Variants in MYO5A observed in about 807,000 individuals in gnomAD.
The protein encoded by MYO5A is myosin VA, also known as unconventional myosin-Va.
Under a neutral mutation model 249.7 loss-of-function variants are expected in MYO5A, and 98 were observed. The observed-to-expected ratio is 0.39, with a 90% CI of 0.33 to 0.46. The LOEUF is 0.46. Ranked by LOEUF, MYO5A falls within the 20% of genes least tolerant of loss-of-function variation. The probability of loss-of-function intolerance (pLI) is 0.98; values close to 1 mark genes in which losing one functional copy is unlikely to be tolerated. For synonymous variants in MYO5A, 778 were observed against 810.6 expected, an observed-to-expected ratio of 0.96 and a Z score of 0.68; for missense variants, 1,696 against 2,308.8, an observed-to-expected ratio of 0.73 and a Z score of 5.44.
At chr15:52,514,982 A>C (rs188557028) in intron 1 of MYO5A, among the ~76,000 whole-genome samples, 2 of 152,216 alleles carry the variant, frequency 1.3e-5, no homozygotes, top group African/African-American at 4.8e-5. Context: ...GAACCAGGAA[A>C]GAATAAGGGA....
chr15:52,402,665 T>C (rs1339279709), intron 9 of MYO5A, among the ~76,000 whole-genome samples: 9 of 152,138 alleles, frequency 5.9e-5, no homozygotes, highest in Middle Eastern at 3.4e-3. Context: ...GCCAACATGG[T>C]GAAACCCTGT....
rs529122830 is a variant in MYO5A at position 52,414,969 on chromosome 15, G to A, written c.612+1176C>T. 4.6e-5 allele frequency among the ~76,000 whole-genome samples: 7 copies of A among 152,252 alleles called. No individual in the cohort carries two copies. In the South Asian group the frequency reaches 1.0e-3, roughly 23 times the overall value. ...TTTTTCCATAGCACATCCAGCCCAT[G>A]AAGCCTCTGAACTTCCCCATCATAT... On this transcript the variant is annotated intron_variant, in intron 5 of 41. Transcript: ENST00000399233.
chr15:52,327,962 G>A lies in MYO5A; in HGVS notation c.4600C>T (p.Pro1534Ser). 1 of 1,613,406 alleles carries A rather than the reference G, an allele frequency of 6.2e-7. No homozygotes were observed. Among genetic ancestry groups the A allele is most frequent in the Non-Finnish European group, 8.5e-7 (1 of 1,179,464 alleles). The change falls in exon 36 of 42, where the codon CCG becomes TCG. Residue 1534 changes from proline to serine, a missense_variant. By Grantham distance (74) the Pro-to-Ser change is moderately conservative. This residue lies in a region of MYO5A where 625 missense variants were observed against 908.1 expected (regional missense o/e 0.69). Coordinates refer to ENST00000399233, the MANE Select transcript of MYO5A (RefSeq NM_001382347.1). The part of the protein sequence containing the change: ...GVAVNLIPGL[P>S]AYILFMCVRH... The stretch of plus-strand genomic sequence containing the variant: ...ACACACATGAACAGGATATATGCCG[G>A]TAATCCTGGAATCAAATTGACTGCT...
chr15:52,372,611 ATAT>A (rs2041185634), intron 20 of MYO5A, among the ~76,000 whole-genome samples: 1 of 152,240 alleles, frequency 6.6e-6, no homozygotes, highest in Admixed American at 6.5e-5. Context: ...TCATATGCAC[ATAT>A]TATGTGTATA....
chr15:52,348,667 G>C, intron 29 of MYO5A, 151 bp downstream of exon 29: 1 of 701,240 alleles, frequency 1.4e-6, no homozygotes, highest in African/African-American at 1.8e-5. Context: ...TCCCAAATCA[G>C]AAGGAGTCAA....
chr15:52,423,335 G>C (rs28680872), intron 4 of MYO5A, among the ~76,000 whole-genome samples: 1 of 151,942 alleles, frequency 6.6e-6, no homozygotes, highest in African/African-American at 2.4e-5. Flanking sequence ...GGCGGATCAC[G>C]AGGTCAGGAG....
intron 25 of MYO5A, among the ~76,000 whole-genome samples, chr15:52,359,005 A>G (rs947057267): frequency 1.3e-5 from 2 of 152,208 alleles, no homozygotes; most frequent in African/African-American, 4.8e-5. Context: ...TTCTAAAGAG[A>G]CAAGCCTCAG....
chr15:52,342,637 GGGT>G (rs1567036121), intron 31 of MYO5A, among the ~76,000 whole-genome samples: 1 of 152,088 alleles, frequency 6.6e-6, no homozygotes, highest in Non-Finnish European at 1.5e-5. Context: ...TGTTTGGACC[GGGT>G]GTGGTGGCTG....
intron 32 of MYO5A, among the ~76,000 whole-genome samples, chr15:52,338,724 T>C (rs1236692985): frequency 1.3e-5 from 2 of 152,220 alleles, no homozygotes; most frequent in Non-Finnish European, 2.9e-5. Context: ...GTCTATTTTT[T>C]GTATTAGCTA....
intron 9 of MYO5A, among the ~76,000 whole-genome samples, chr15:52,400,421 T>C (rs962801000): frequency 6.6e-6 from 1 of 152,208 alleles, no homozygotes; most frequent in African/African-American, 2.4e-5. Context: ...TACAAAAAAT[T>C]CCCTTCACTC....
Position 52,450,984 on chromosome 15 carries a change from G to A in MYO5A, c.28-17699C>T, listed in dbSNP as rs140472632. Reference sequence around the variant, plus strand: ...TACATTGTATCCCACCCACTCTCAGGAGTTTAAATGCCAATTTTTTCCCAA... The same window carrying A: ...TACATTGTATCCCACCCACTCTCAGAAGTTTAAATGCCAATTTTTTCCCAA... On this transcript the variant is annotated intron_variant, in intron 1 of 41. Coordinates refer to ENST00000399233, the MANE Select transcript of MYO5A (RefSeq NM_001382347.1). Among the ~76,000 whole-genome samples the A allele has an allele frequency of 1.4e-3, 65 of 47,842 alleles. 1 individual carries two copies. In the East Asian group the frequency reaches 0.019, roughly 14 times the overall value. 31.4% of individuals were successfully genotyped at this position (47,842 alleles called of 152,430 possible).
At chr15:52,477,126 C>T (rs2076612519) in intron 1 of MYO5A, among the ~76,000 whole-genome samples, 1 of 152,184 alleles carries the variant, frequency 6.6e-6, no homozygotes, top group African/African-American at 2.4e-5. Context: ...TCTCTTCTTG[C>T]TTCATTTCAT....
chr15:52,348,708 C>A, intron 29 of MYO5A, 110 bp downstream of exon 29: 1 of 969,622 alleles, frequency 1.0e-6, no homozygotes, highest in South Asian at 1.6e-5. Flanking sequence ...TTCAAAATAT[C>A]AAAATAGACT....
intron 20 of MYO5A, among the ~76,000 whole-genome samples, chr15:52,373,553 G>A (rs2041241809): frequency 6.6e-6 from 1 of 152,146 alleles, no homozygotes; most frequent in African/African-American, 2.4e-5. Context: ...GGGGAACCTT[G>A]GACCTGAAAT....
chr15:52,483,567 C>T (rs1000987606), intron 1 of MYO5A, among the ~76,000 whole-genome samples: 1 of 152,076 alleles, frequency 6.6e-6, no homozygotes, highest in Non-Finnish European at 1.5e-5. Context: ...CAAGGACACG[C>T]CTAGAAATTT....
At chr15:52,522,107 G>A (rs559458557) in intron 1 of MYO5A, among the ~76,000 whole-genome samples, 1 of 152,262 alleles carries the variant, frequency 6.6e-6, no homozygotes, top group South Asian at 2.1e-4. Context: ...TGGAACCATA[G>A]CATTCATTTC....
intron 9 of MYO5A, among the ~76,000 whole-genome samples, chr15:52,401,111 T>G (rs529668747): frequency 7.5e-6 from 1 of 132,696 alleles, no homozygotes; most frequent in East Asian, 2.2e-4. Flanking sequence ...TGCTCTATCC[T>G]CCAGGCTGGA....
chr15:52,336,270 T>C (rs566005931), intron 34 of MYO5A, among the ~76,000 whole-genome samples, 193 bp downstream of exon 34: 39 of 152,296 alleles, frequency 2.6e-4, no homozygotes, highest in African/African-American at 9.1e-4. Context: ...TTACTACCCA[T>C]GAAAAGAACA....
At chr15:52,349,161 C>T (rs1460557217) in intron 28 of MYO5A, among the ~76,000 whole-genome samples, 1 of 152,234 alleles carries the variant, frequency 6.6e-6, no homozygotes, top group Non-Finnish European at 1.5e-5. Flanking sequence ...AAATTCTTAT[C>T]GTAGGTCTGT....
Sources: allele counts gnomAD v4.1 joint callset (sites outside exome capture counted in the v4.1 genomes callset), GRCh38; gene constraint gnomAD v4.1.1; regional missense constraint gnomAD v4.1.1; transcripts MANE v1.5; gene names NCBI Gene and HGNC (gene_info 2026-07-23, HGNC 2026-07-21).